Variants in FMNL2 observed in about 807,000 individuals in gnomAD.
FMNL2 encodes the protein formin-like protein 2.
Under a neutral mutation model 130.2 loss-of-function variants are expected in FMNL2, and 51 were observed. The observed-to-expected ratio is 0.39, with a 90% confidence interval of 0.31 to 0.49. The LOEUF is 0.49. Among genes scored for constraint, FMNL2 ranks in the 20% least tolerant of loss-of-function variants. The probability of loss-of-function intolerance (pLI) is 0.85; values close to 1 mark genes in which losing one functional copy is unlikely to be tolerated. For missense variants in FMNL2, 977 were observed against 1,316.2 expected (o/e 0.74, Z 3.99); for synonymous variants, 465 against 467.1 (o/e 1.00, Z 0.06).
At chr2:152,377,502 G>T (rs966620819) in intron 1 of FMNL2, among the ~76,000 whole-genome samples, 44 of 152,158 alleles carry the variant, frequency 2.9e-4, no homozygotes, top group African/African-American at 1.0e-3. Context: ...CTATTGAAAC[G>T]TAAATTAAAT....
intron 1 of FMNL2, among the ~76,000 whole-genome samples, chr2:152,465,244 C>G (rs1689465206): frequency 6.6e-6 from 1 of 152,222 alleles, no homozygotes; most frequent in African/African-American, 2.4e-5. Flanking sequence ...TGTGCGAAGG[C>G]ACTGAGGTGT....
chr2:152,448,386 G>A (rs1327916865), intron 1 of FMNL2, among the ~76,000 whole-genome samples: 2 of 152,128 alleles, frequency 1.3e-5, no homozygotes, highest in Admixed American at 6.5e-5. Context: ...TTTGACTCTT[G>A]TTGGAGTTTG....
intron 7 of FMNL2, among the ~76,000 whole-genome samples, chr2:152,577,272 C>T (rs542535509): frequency 4.2e-4 from 64 of 152,068 alleles, no homozygotes; most frequent in Non-Finnish European, 8.2e-4. Context: ...GTCTTGGGCA[C>T]CTGTGAGATA....
intron 1 of FMNL2, among the ~76,000 whole-genome samples, chr2:152,473,923 G>C (rs985631913): frequency 2.6e-5 from 4 of 152,152 alleles, no homozygotes; most frequent in Admixed American, 6.5e-5. Context: ...CGCCCAGGCT[G>C]GAGTGCAGTG....
intron 9 of FMNL2, among the ~76,000 whole-genome samples, chr2:152,595,013 C>T (rs1697680903): frequency 6.6e-6 from 1 of 152,166 alleles, no homozygotes; most frequent in South Asian, 2.1e-4. Context: ...GTGGAAATGG[C>T]CAGTCATGGT....
chr2:152,346,448 C>A (rs1205706941), intron 1 of FMNL2, among the ~76,000 whole-genome samples: 1 of 151,936 alleles, frequency 6.6e-6, no homozygotes, highest in African/African-American at 2.4e-5. Context: ...GAGTTTGAGA[C>A]CAGCCTGGGC....
At chr2:152,444,341 T>C (rs1239378669) in intron 1 of FMNL2, among the ~76,000 whole-genome samples, 1 of 152,180 alleles carries the variant, frequency 6.6e-6, no homozygotes, top group African/African-American at 2.4e-5. Context: ...GCCCAGACCC[T>C]GCATGGGTGG....
At chr2:152,353,206 A>G (rs1682601328) in intron 1 of FMNL2, among the ~76,000 whole-genome samples, 2 of 152,222 alleles carry the variant, frequency 1.3e-5, no homozygotes, top group African/African-American at 2.4e-5. Flanking sequence ...AGGACATATT[A>G]AAGTTGAAGT....
At chr2:152,535,425 G>A (rs1693943530) in intron 2 of FMNL2, among the ~76,000 whole-genome samples, 1 of 152,128 alleles carries the variant, frequency 6.6e-6, no homozygotes, top group African/African-American at 2.4e-5. Flanking sequence ...ACCTTTCTTT[G>A]AACTTTGAGA....
chr2:152,538,386 C>T (rs1298819039), intron 2 of FMNL2, among the ~76,000 whole-genome samples: 1 of 152,020 alleles, frequency 6.6e-6, no homozygotes, highest in East Asian at 1.9e-4. Flanking sequence ...TTCAAGTAAT[C>T]CTCCTGTCTC....
chr2:152,498,168 G>A (rs2105312226), intron 1 of FMNL2, among the ~76,000 whole-genome samples: 1 of 152,266 alleles, frequency 6.6e-6, no homozygotes, highest in South Asian at 2.1e-4. Context: ...CAGTTAGGAG[G>A]AGATGATAAT....
chr2:152,540,332 T>TA (rs970926909), intron 2 of FMNL2, among the ~76,000 whole-genome samples: 20 of 151,994 alleles, frequency 1.3e-4, no homozygotes, highest in Non-Finnish European at 2.8e-4. Context: ...GATGGTGATT[T>TA]AAAAAAAGTA....
chr2:152,380,385 C>G (rs1238183807), intron 1 of FMNL2, among the ~76,000 whole-genome samples: 1 of 152,240 alleles, frequency 6.6e-6, no homozygotes, highest in Non-Finnish European at 1.5e-5. Flanking sequence ...TGATTTATCT[C>G]TTTCTGATCT....
rs748705722 is a variant in FMNL2, at chr2:152,647,858, G to A, written c.3232G>A (p.Asp1078Asn). 3 of 1,613,862 alleles carry A rather than the reference G, an allele frequency of 1.9e-6. No homozygotes were observed. Among genetic ancestry groups the A allele is most frequent in the Non-Finnish European group, 2.5e-6 (3 of 1,179,836 alleles). The part of the protein sequence containing the change: ...AVRRSVRRRF[D>N]DQNLRSVNGA... ...GAGGAGAAGCGTCAGGCGGCGCTTT[G>A]ATGATCAGAACTTGCGTTCTGTTAA... Residue 1078 changes from aspartate to asparagine, a missense_variant, in exon 26 of 26, where the codon GAT becomes AAT. Transcript: ENST00000288670.
At chr2:152,336,119 A>C (rs559920735) in intron 1 of FMNL2, among the ~76,000 whole-genome samples, 4 of 128,416 alleles carry the variant, frequency 3.1e-5, no homozygotes, top group Admixed American at 7.2e-5. Context: ...AAACAAAACA[A>C]AACACCCTGA....
At chr2:152,488,784 A>G (rs1690979053) in intron 1 of FMNL2, among the ~76,000 whole-genome samples, 1 of 152,244 alleles carries the variant, frequency 6.6e-6, no homozygotes, top group East Asian at 1.9e-4. Context: ...TTTTGGTGTC[A>G]ACTAGGACAC....
chr2:152,614,792 A>G (rs1383338813), intron 11 of FMNL2, 59 bp from the exon 12 acceptor site: 1 of 1,518,946 alleles, frequency 6.6e-7, no homozygotes, highest in Admixed American at 2.3e-5. Flanking sequence ...CTCTTAGGAA[A>G]TGATGTTCTA....
chr2:152,595,149 C>T (rs1486602066), intron 9 of FMNL2, among the ~76,000 whole-genome samples: 1 of 152,114 alleles, frequency 6.6e-6, no homozygotes, highest in Non-Finnish European at 1.5e-5. Context: ...GGTTCACCAC[C>T]AAGAACAACA....
chr2:152,646,168 A>AC (rs1293275380), intron 25 of FMNL2, among the ~76,000 whole-genome samples: 3 of 99,960 alleles, frequency 3.0e-5, no homozygotes, highest in Non-Finnish European at 5.7e-5. Flanking sequence ...AAAAAAAAAA[A>AC]AACAAACAAA....
Sources: gnomAD v4.1 joint callset for allele counts (sites outside exome capture counted in the v4.1 genomes callset) on GRCh38, gnomAD v4.1.1 for gene constraint, MANE v1.5 for transcripts, NCBI Gene and HGNC (gene_info 2026-07-23, HGNC 2026-07-21) for gene names.